The following SNX29 variants were observed in gnomAD, a reference collection of about 807,000 sequenced individuals.
SNX29 encodes sorting nexin 29.
Under a neutral mutation model 102.1 loss-of-function variants are expected in SNX29, and 78 were observed. The ratio of observed to expected loss-of-function variants is 0.76; its 90% CI spans 0.64 to 0.92. The LOEUF is 0.92. Ranked by LOEUF, SNX29 falls within the 40% of genes least tolerant of loss-of-function variation. The pLI is 0.00. For synonymous variants in SNX29, 580 were observed against 414.5 expected (o/e 1.40, Z -4.85); for missense variants, 1,280 against 1,061.7 (o/e 1.21, Z -2.86).
intron 15 of SNX29, among the ~76,000 whole-genome samples, chr16:12,284,713 T>C (rs1418883098): frequency 1.3e-5 from 2 of 152,082 alleles, no homozygotes; most frequent in African/African-American, 4.8e-5. Flanking sequence ...CTGCTTTGGT[T>C]TCGGTTCCTT....
At chr16:12,092,468 A>T (rs1295374243) in intron 11 of SNX29, among the ~76,000 whole-genome samples, 1 of 152,166 alleles carries the variant, frequency 6.6e-6, no homozygotes, top group Non-Finnish European at 1.5e-5. Context: ...TGGTAATATG[A>T]GTTGCTCAAG....
intron 16 of SNX29, among the ~76,000 whole-genome samples, chr16:12,364,232 G>T (rs1275814818): frequency 2.3e-5 from 3 of 133,298 alleles, no homozygotes; most frequent in Admixed American, 1.7e-4. Context: ...GTAGAGGCAG[G>T]CTCTCACTAT....
chr16:12,295,943 CTT>C (rs1329996107), intron 15 of SNX29, among the ~76,000 whole-genome samples: 2 of 152,220 alleles, frequency 1.3e-5, no homozygotes, highest in Non-Finnish European at 2.9e-5. Context: ...AAAAATGAGT[CTT>C]TTAAACAGTT....
chr16:12,141,325 G>C (rs986871679), intron 13 of SNX29, among the ~76,000 whole-genome samples: 8 of 152,212 alleles, frequency 5.3e-5, no homozygotes, highest in Non-Finnish European at 1.2e-4. Flanking sequence ...AGGACAGTTA[G>C]TATCCTCGGC....
intron 15 of SNX29, among the ~76,000 whole-genome samples, chr16:12,332,984 T>C (rs2081340443): frequency 6.6e-6 from 1 of 151,958 alleles, no homozygotes; most frequent in Non-Finnish European, 1.5e-5. Context: ...CCGCAGGCAG[T>C]ATTTCAGAGG....
intron 16 of SNX29, among the ~76,000 whole-genome samples, chr16:12,389,728 A>G (rs569359409): frequency 6.6e-6 from 1 of 152,310 alleles, no homozygotes; most frequent in East Asian, 1.9e-4. Context: ...ACCTACCCTC[A>G]TAGGAGAACA....
intron 11 of SNX29, among the ~76,000 whole-genome samples, chr16:12,086,100 C>T (rs1380780152): frequency 1.3e-5 from 2 of 150,416 alleles, no homozygotes; most frequent in Admixed American, 6.7e-5. Context: ...GCCTCCCGGG[C>T]TCACGCCATT....
chr16:12,530,874 A>C (rs2076913370), intron 20 of SNX29, among the ~76,000 whole-genome samples: 1 of 152,136 alleles, frequency 6.6e-6, no homozygotes, highest in Admixed American at 6.5e-5. Flanking sequence ...TAATTTAATA[A>C]AACTGGCTCA....
chr16:12,560,518 C>G (rs1598054713), intron 20 of SNX29, among the ~76,000 whole-genome samples: 1 of 152,152 alleles, frequency 6.6e-6, no homozygotes, highest in African/African-American at 2.4e-5. Flanking sequence ...CTGCCCTCCA[C>G]CTTCCAAGAC....
intron 13 of SNX29, among the ~76,000 whole-genome samples, chr16:12,161,902 A>C (rs913891641): frequency 4.6e-5 from 7 of 152,190 alleles, no homozygotes; most frequent in African/African-American, 1.7e-4. Flanking sequence ...TGAACCAAAT[A>C]GACCTCCCTT....
At chr16:12,547,537 G>A (rs1437486560) in intron 20 of SNX29, among the ~76,000 whole-genome samples, 2 of 152,108 alleles carry the variant, frequency 1.3e-5, no homozygotes, top group Non-Finnish European at 2.9e-5. Context: ...GGAACTGGAA[G>A]AACAGAGTCC....
At chr16:12,250,525 C>G (rs2142378081) in intron 14 of SNX29, among the ~76,000 whole-genome samples, 1 of 152,316 alleles carries the variant, frequency 6.6e-6, no homozygotes, top group South Asian at 2.1e-4. Context: ...TCATGAGCCT[C>G]TTACCCACTT....
intron 14 of SNX29, among the ~76,000 whole-genome samples, chr16:12,208,370 G>A (rs545556115): frequency 6.6e-6 from 1 of 152,122 alleles, no homozygotes; most frequent in East Asian, 1.9e-4. Flanking sequence ...TCACTCATTT[G>A]TGTGGCTCTT....
chr16:12,078,208 G>A (rs1596794107), intron 10 of SNX29, among the ~76,000 whole-genome samples: 1 of 151,932 alleles, frequency 6.6e-6, no homozygotes, highest in Middle Eastern at 3.4e-3. Context: ...GGTGTGGTGG[G>A]TCATGCCTGT....
chr16:12,401,451 G>T (rs1168176984), intron 17 of SNX29, among the ~76,000 whole-genome samples: 1 of 137,228 alleles, frequency 7.3e-6, no homozygotes, highest in Non-Finnish European at 1.5e-5. Context: ...TGCAACCTCT[G>T]CCTCCGGGTT....
At chr16:12,439,202 C>G (rs1374468729) in intron 18 of SNX29, among the ~76,000 whole-genome samples, 5 of 152,154 alleles carry the variant, frequency 3.3e-5, no homozygotes, top group Non-Finnish European at 7.3e-5. Context: ...GAAGCAGCCT[C>G]TGTAGGCAGG....
At chr16:12,023,407 CAAAAA>C (rs565812913) in intron 3 of SNX29, among the ~76,000 whole-genome samples, 5 of 94,560 alleles carry the variant, frequency 5.3e-5, no homozygotes, top group African/African-American at 8.2e-5. Context: ...GACTCTGTCT[CAAAAA>C]AAAAAAAAAA....
chr16:12,540,999 C>G (rs1165232050), intron 20 of SNX29, among the ~76,000 whole-genome samples: 2 of 152,164 alleles, frequency 1.3e-5, no homozygotes, highest in Non-Finnish European at 2.9e-5. Flanking sequence ...GGTGAGCTCA[C>G]TGCGGGTTTC....
At chr16:12,550,074 T>C (rs893943134) in intron 20 of SNX29, among the ~76,000 whole-genome samples, 2 of 152,206 alleles carry the variant, frequency 1.3e-5, no homozygotes, top group South Asian at 2.1e-4. Flanking sequence ...TCACCCTTTA[T>C]AGGAAGTTTG....
Sources: gnomAD v4.1 joint callset for allele counts (sites outside exome capture counted in the v4.1 genomes callset) on GRCh38, gnomAD v4.1.1 for gene constraint, MANE v1.5 for transcripts, NCBI Gene and HGNC (gene_info 2026-07-23, HGNC 2026-07-21) for gene names.